GABRB1: variants seen among roughly 807,000 people sequenced by gnomAD.
GABRB1 encodes the protein gamma-aminobutyric acid receptor subunit beta-1.
Under a neutral mutation model 51.6 loss-of-function variants are expected in GABRB1, and 17 were observed. The ratio of observed to expected loss-of-function variants is 0.33; its 90% confidence interval spans 0.23 to 0.49. The LOEUF is 0.49. Among genes scored for constraint, GABRB1 ranks in the 20% least tolerant of loss-of-function variants. GABRB1 has a pLI of 0.99. For synonymous variants in GABRB1, 247 were observed against 218.9 expected (o/e 1.13, Z -1.14); for missense variants, 410 against 600.6 (o/e 0.68, Z 3.32).
Position 47,120,842 on chromosome 4 carries a change from T to A in GABRB1, c.241-40407T>A, listed in dbSNP as rs189423410. ...CTATTCTACTGTGGCTGAGTTGATA[T>A]CCAGGTTGCAAGAGTCCTTTTTACT... On this transcript the variant is annotated intron_variant, in intron 3 of 8. Transcript: ENST00000295454. Among the ~76,000 whole-genome samples, 16 of 152,144 alleles carry A rather than the reference T, an allele frequency of 1.1e-4. No individual in the cohort carries two copies. The East Asian group carries it at 2.9e-3, about 28-fold the overall frequency.
intron 5 of GABRB1, among the ~76,000 whole-genome samples, chr4:47,333,150 A>C (rs953732088): frequency 6.9e-6 from 1 of 145,362 alleles, no homozygotes; most frequent in Non-Finnish European, 1.5e-5. Flanking sequence ...TATTATATTT[A>C]TATATTTAAA....
rs144851424 is a variant in GABRB1, at chr4:47,212,309, C to A, written c.461+50840C>A. ...CACAGCGGGAGGCCACTAACAACATCCATGCACTTCAGTCTTCCAGGTGCC... is the reference window on the plus strand; with the variant it reads ...CACAGCGGGAGGCCACTAACAACATACATGCACTTCAGTCTTCCAGGTGCC... On this transcript the variant is annotated intron_variant, in intron 4 of 8. Transcript: ENST00000295454. 4.1e-4 allele frequency among the ~76,000 whole-genome samples: 63 copies of A among 152,268 alleles called. 1 individual carries two copies. Among genetic ancestry groups the A allele is most frequent in the Admixed American group, 2.0e-3 (31 of 15,298 alleles).
chr4:47,118,714 A>C (rs1715614307), intron 3 of GABRB1, among the ~76,000 whole-genome samples: 2 of 152,162 alleles, frequency 1.3e-5, no homozygotes, highest in East Asian at 1.9e-4. Flanking sequence ...AAACATCCTA[A>C]TATATACATA....
chr4:47,303,776 A>G (rs1724349797), intron 4 of GABRB1, among the ~76,000 whole-genome samples: 1 of 151,986 alleles, frequency 6.6e-6, no homozygotes, highest in African/African-American at 2.4e-5. Context: ...ATTTTCAAGA[A>G]TACATTATTA....
At chr4:47,134,788 A>G (rs1282744439) in intron 3 of GABRB1, among the ~76,000 whole-genome samples, 2 of 152,152 alleles carry the variant, frequency 1.3e-5, no homozygotes, top group Middle Eastern at 3.2e-3. Flanking sequence ...GGCTGGATAT[A>G]CAAGGAAGGA....
chr4:47,150,349 TACACACACACACACGCACATAC>T (rs1181790568), intron 3 of GABRB1, among the ~76,000 whole-genome samples: 20 of 112,878 alleles, frequency 1.8e-4, no homozygotes, highest in East Asian at 5.0e-4. Context: ...CACACGCACA[TACACACACACACACGCACATAC>T]ACACACACAG....
intron 3 of GABRB1, among the ~76,000 whole-genome samples, chr4:47,146,943 G>C (rs1393198645): frequency 6.6e-6 from 1 of 151,988 alleles, no homozygotes; most frequent in Non-Finnish European, 1.5e-5. Flanking sequence ...AGTTTAATTA[G>C]GAATTTGATT....
chr4:47,008,558 G>A (rs1724480756), intron 1 of GABRB1, among the ~76,000 whole-genome samples: 2 of 150,782 alleles, frequency 1.3e-5, no homozygotes, highest in Admixed American at 6.6e-5. Flanking sequence ...TGCTTTCCAG[G>A]TTCAAGTGAT....
At chr4:47,031,133 C>A (rs776457535), upstream of GABRB1, among the ~76,000 whole-genome samples, 17 of 152,042 alleles carry the variant, frequency 1.1e-4, no homozygotes, top group Non-Finnish European at 2.2e-4. Flanking sequence ...CCACTCTTCC[C>A]TGCTCCCAGT....
At chr4:47,022,999 A>G (rs1283481823) in intron 1 of GABRB1, among the ~76,000 whole-genome samples, 1 of 152,138 alleles carries the variant, frequency 6.6e-6, no homozygotes, top group Non-Finnish European at 1.5e-5. Context: ...GCCATAAAAA[A>G]GAATGAGAGC....
chr4:47,105,288 C>T (rs1714912786), intron 3 of GABRB1, among the ~76,000 whole-genome samples: 1 of 152,094 alleles, frequency 6.6e-6, no homozygotes, highest in East Asian at 1.9e-4. Flanking sequence ...CTTGCCTAAA[C>T]TTCAGAGAAT....
intron 5 of GABRB1, among the ~76,000 whole-genome samples, chr4:47,350,214 TATATAGAGAGAGAGAG>T (rs1306391689): frequency 2.5e-5 from 2 of 79,722 alleles, no homozygotes; most frequent in African/African-American, 5.5e-5. Context: ...TATATATATA[TATATAGAGAGAGAGAG>T]AGAGAGAGAG....
chr4:47,153,347 A>G (rs143311738), intron 3 of GABRB1, among the ~76,000 whole-genome samples: 137 of 152,208 alleles, frequency 9.0e-4, no homozygotes, highest in African/African-American at 3.2e-3. Context: ...ATATCTTACC[A>G]TGGAAACAAC....
intron 3 of GABRB1, among the ~76,000 whole-genome samples, chr4:47,143,796 A>G (rs970492321): frequency 2.0e-5 from 3 of 151,878 alleles, no homozygotes; most frequent in African/African-American, 7.2e-5. Context: ...AATGCTTAAT[A>G]CATGTCAGGC....
At chr4:47,150,896 G>A (rs1429043021) in intron 3 of GABRB1, among the ~76,000 whole-genome samples, 1 of 151,950 alleles carries the variant, frequency 6.6e-6, no homozygotes, top group African/African-American at 2.4e-5. Flanking sequence ...CCACCAGAAT[G>A]TTGATAGTGA....
chr4:47,091,543 G>A (rs1428976443), intron 3 of GABRB1, among the ~76,000 whole-genome samples: 1 of 152,110 alleles, frequency 6.6e-6, no homozygotes, highest in Non-Finnish European at 1.5e-5. Context: ...CCTTGGCTCA[G>A]TGAATGTCAC....
At position 47,032,023 on chromosome 4, in the gene GABRB1, T is replaced by C. The variant is rs767061726; in HGVS notation, c.172+18T>C. The C allele has an allele frequency of 5.0e-6, 8 of 1,592,686 alleles. No homozygotes were observed. Among genetic ancestry groups the C allele is most frequent in the Admixed American group, 1.7e-5 (1 of 59,188 alleles). Reference sequence around the variant, plus strand: ...CTTCGGAGGTAACGCTTCATCTTTTTTCAACCTGTAACCCATCCTTAGTTC... The same window carrying C: ...CTTCGGAGGTAACGCTTCATCTTTTCTCAACCTGTAACCCATCCTTAGTTC... On this transcript the variant is annotated intron_variant, in intron 2 of 8. Transcript: ENST00000295454.
intron 4 of GABRB1, among the ~76,000 whole-genome samples, chr4:47,282,267 A>T (rs919673354): frequency 6.6e-6 from 1 of 152,174 alleles, no homozygotes; most frequent in African/African-American, 2.4e-5. Context: ...TGCACAACAC[A>T]TTTATAAATT....
chr4:47,132,090 A>C (rs1716440446), intron 3 of GABRB1, among the ~76,000 whole-genome samples: 1 of 152,178 alleles, frequency 6.6e-6, no homozygotes, highest in Non-Finnish European at 1.5e-5. Context: ...ATTTAAATGC[A>C]GGGGTATTGA....
Sources: gnomAD v4.1 joint callset for allele counts (sites outside exome capture counted in the v4.1 genomes callset) on GRCh38, gnomAD v4.1.1 for gene constraint, MANE v1.5 for transcripts, NCBI Gene and HGNC (gene_info 2026-07-23, HGNC 2026-07-21) for gene names.